FGF14: variants seen among roughly 807,000 people sequenced by gnomAD.
FGF14 encodes the protein fibroblast growth factor 14, also known as fibroblast growth factor homologous factor 4.
Under a neutral mutation model 25.5 loss-of-function variants are expected in FGF14, and 5 were observed. That is an observed-to-expected ratio of 0.20 (90% CI 0.10 to 0.41). FGF14 has a LOEUF of 0.41. FGF14 is among the 10% of genes least tolerant of loss of function. FGF14 has a pLI of 1.00. For missense variants in FGF14, 222 were observed against 320.1 expected (o/e 0.69, Z 2.34); for synonymous variants, 138 against 118.3 (o/e 1.17, Z -1.08).
chr13:101,909,755 G>T (rs556808611), intron 1 of FGF14, among the ~76,000 whole-genome samples: 100 of 152,242 alleles, frequency 6.6e-4, no homozygotes, highest in African/African-American at 2.3e-3. Context: ...TATACCCAAA[G>T]GACTATAAAT....
intron 1 of FGF14, among the ~76,000 whole-genome samples, chr13:101,976,841 T>C (rs2037957655): frequency 1.3e-5 from 2 of 152,238 alleles, no homozygotes; most frequent in Admixed American, 1.3e-4. Context: ...TGGTAGTTTA[T>C]GCAATGATCA....
At chr13:102,254,335 A>G (rs1047931836) in intron 1 of FGF14, among the ~76,000 whole-genome samples, 2 of 152,068 alleles carry the variant, frequency 1.3e-5, no homozygotes, top group Admixed American at 6.6e-5. Flanking sequence ...AGCCTGGGGG[A>G]TCTACTGGAG....
At chr13:102,035,681 C>T (rs897655985) in intron 1 of FGF14, among the ~76,000 whole-genome samples, 1 of 152,180 alleles carries the variant, frequency 6.6e-6, no homozygotes, top group Non-Finnish European at 1.5e-5. Flanking sequence ...TCTGTAATAA[C>T]ATCTTAATAA....
At position 101,944,007 on chromosome 13, in the gene FGF14, A is replaced by C. The variant is rs866101352; in HGVS notation, c.209-68711T>G. Among the ~76,000 whole-genome samples, 11 of 129,072 alleles carry C rather than the reference A, an allele frequency of 8.5e-5. No homozygotes were observed. The East Asian group carries it at 1.5e-3, about 17-fold the overall frequency. The allele number at this position is 129,072 out of a possible 152,430, so 84.7% of individuals were successfully genotyped here. A position where few individuals can be genotyped will look rare whatever the true frequency, so the allele number is the denominator to read the frequency against. On this transcript the variant is annotated intron_variant, in intron 1 of 4. Coordinates refer to the FGF14 transcript ENST00000376131. ...GAGTGAAACTCCGTCTCAAAAAAAA[A>C]AAAAAAACAAAAAAAAAACATGGTA...
intron 1 of FGF14, among the ~76,000 whole-genome samples, chr13:102,013,408 C>CAGT (rs2139815147): frequency 6.6e-6 from 1 of 152,202 alleles, no homozygotes; most frequent in South Asian, 2.1e-4. Flanking sequence ...GCATGTATTA[C>CAGT]AGTTTTTCTA....
At chr13:102,182,441 T>C (rs2048715128) in intron 1 of FGF14, among the ~76,000 whole-genome samples, 1 of 152,178 alleles carries the variant, frequency 6.6e-6, no homozygotes, top group African/African-American at 2.4e-5. Context: ...ATTTTGTGTG[T>C]AAGCTACCAA....
intron 1 of FGF14, chr13:102,366,572 G>A (rs1216788066): frequency 2.4e-5 from 3 of 125,800 alleles, no homozygotes; most frequent in Non-Finnish European, 4.6e-5. Context: ...ATTCTCTCCT[G>A]CCTCAGCAGC....
At chr13:102,168,479 T>TAATTC (rs2048113253) in intron 1 of FGF14, among the ~76,000 whole-genome samples, 1 of 152,060 alleles carries the variant, frequency 6.6e-6, no homozygotes, top group South Asian at 2.1e-4. Flanking sequence ...GCACCTAGCC[T>TAATTC]AATTCTTTTC....
At chr13:101,956,763 T>G (rs2036535874) in intron 1 of FGF14, among the ~76,000 whole-genome samples, 1 of 114,776 alleles carries the variant, frequency 8.7e-6, no homozygotes, top group African/African-American at 3.9e-5. Flanking sequence ...TATTATTCAC[T>G]TTACCAAAAA....
intron 1 of FGF14, among the ~76,000 whole-genome samples, chr13:102,319,416 A>C (rs1472471221): frequency 6.6e-6 from 1 of 152,126 alleles, no homozygotes; most frequent in Non-Finnish European, 1.5e-5. Flanking sequence ...AAAACCTGGA[A>C]ATTCAGTCCT....
intron 1 of FGF14, among the ~76,000 whole-genome samples, chr13:102,116,050 C>T (rs1423134701): frequency 2.0e-5 from 3 of 152,086 alleles, no homozygotes; most frequent in South Asian, 2.1e-4. Context: ...GCAGAAGTTG[C>T]GGTGAGCCGA....
chr13:102,006,908 C>T (rs951858831), intron 1 of FGF14, among the ~76,000 whole-genome samples: 5 of 150,512 alleles, frequency 3.3e-5, no homozygotes, highest in African/African-American at 1.2e-4. Flanking sequence ...CCGCGCCTGG[C>T]TAATTTTTTG....
At chr13:102,133,503 G>T (rs988865351) in intron 1 of FGF14, among the ~76,000 whole-genome samples, 1 of 152,064 alleles carries the variant, frequency 6.6e-6, no homozygotes, top group African/African-American at 2.4e-5. Context: ...TAAATATATG[G>T]TAAAGATTTC....
intron 1 of FGF14, among the ~76,000 whole-genome samples, chr13:102,078,439 A>C (rs2043464508): frequency 6.7e-6 from 1 of 148,852 alleles, no homozygotes; most frequent in Admixed American, 6.6e-5. Context: ...AATACACACA[A>C]AAAATAAAAA....
chr13:101,741,801 T>G (rs1409864926), intron 3 of FGF14, among the ~76,000 whole-genome samples: 1 of 152,210 alleles, frequency 6.6e-6, no homozygotes, highest in Non-Finnish European at 1.5e-5. Context: ...TCCAGTTTGC[T>G]GCTGCAACTA....
intron 1 of FGF14, among the ~76,000 whole-genome samples, chr13:102,156,762 C>T (rs1364066783): frequency 1.3e-5 from 2 of 152,096 alleles, no homozygotes; most frequent in African/African-American, 4.8e-5. Context: ...CTAGAAAACC[C>T]CATTGTCTCA....
chr13:102,321,678 T>C (rs2056249597), intron 1 of FGF14, among the ~76,000 whole-genome samples: 1 of 152,202 alleles, frequency 6.6e-6, no homozygotes, highest in South Asian at 2.1e-4. Flanking sequence ...GGCCTTAATG[T>C]GTTTTCTAAA....
At chr13:101,866,028 C>T (rs1004677258) in intron 3 of FGF14, among the ~76,000 whole-genome samples, 2 of 151,872 alleles carry the variant, frequency 1.3e-5, no homozygotes, top group East Asian at 1.9e-4. Flanking sequence ...GGGTTAACAA[C>T]GTTTGTCATG....
chr13:102,191,938 T>C (rs1024664041), intron 1 of FGF14, among the ~76,000 whole-genome samples: 5 of 152,196 alleles, frequency 3.3e-5, no homozygotes, highest in African/African-American at 1.2e-4. Context: ...GCCACAAGAA[T>C]GTCTAAAACC....
Sources: allele counts gnomAD v4.1 joint callset (sites outside exome capture counted in the v4.1 genomes callset), GRCh38; gene constraint gnomAD v4.1.1; transcripts MANE v1.5; gene names NCBI Gene and HGNC (gene_info 2026-07-23, HGNC 2026-07-21).